The following IDO2 variants were observed in gnomAD, a reference collection of about 807,000 sequenced individuals.
IDO2 encodes the protein indoleamine 2,3-dioxygenase 2.
IDO2 carries 46 observed loss-of-function variants against 45.1 expected under a neutral mutation model. That is an observed-to-expected ratio of 1.02 (90% CI 0.80 to 1.30). The LOEUF (loss-of-function observed/expected upper bound fraction) is 1.30. IDO2 is among the 50% of genes most tolerant of loss of function. The probability of loss-of-function intolerance (pLI) is 0.00; values close to 1 mark genes in which losing one functional copy is unlikely to be tolerated. For synonymous variants in IDO2, 218 were observed against 184.9 expected, an observed-to-expected ratio of 1.18 and a Z score of -1.45; for missense variants, 544 against 491.8, an observed-to-expected ratio of 1.11 and a Z score of -1.00.
At chr8:39,975,849 AAAAT>A (rs754990410) in intron 3 of IDO2, among the ~76,000 whole-genome samples, 4 of 152,220 alleles carry the variant, frequency 2.6e-5, no homozygotes, top group Non-Finnish European at 4.4e-5. Context: ...AATAACTGTG[AAAAT>A]AAATAAACTG....
chr8:39,976,792 T>C (rs905210276), intron 3 of IDO2, among the ~76,000 whole-genome samples: 4 of 152,184 alleles, frequency 2.6e-5, no homozygotes, highest in African/African-American at 9.6e-5. Context: ...GAAGGTAGAG[T>C]ACCTTTCCAT....
Position 39,995,815 on chromosome 8 carries a change from G to C in IDO2, c.667+5977G>C, listed in dbSNP as rs181276964. Among the ~76,000 whole-genome samples, 394 of 151,680 alleles carry C rather than the reference G, an allele frequency of 2.6e-3. 2 individuals are homozygous for C. Among genetic ancestry groups the C allele is most frequent in the African/African-American group, 9.3e-3 (385 of 41,410 alleles). On this transcript the variant is annotated intron_variant, in intron 8 of 10. Transcript: ENST00000502986. ...AAAGGGACAGGGTGAGAAGTGACCAGAAGAGTGTGAGCCTTCTGTTATGCC... is the reference window on the plus strand; with the variant it reads ...AAAGGGACAGGGTGAGAAGTGACCACAAGAGTGTGAGCCTTCTGTTATGCC...
At chr8:39,984,825 C>G (rs1480191166) in intron 5 of IDO2, 1 of 369,624 alleles carries the variant, frequency 2.7e-6, no homozygotes, top group Admixed American at 3.8e-5. Context: ...TGAGGCAGAA[C>G]TTGATGTAAG....
At chr8:39,986,603 G>T (rs1051894158) in intron 6 of IDO2, 1 of 152,038 alleles carries the variant, frequency 6.6e-6, no homozygotes, top group Non-Finnish European at 1.5e-5. Flanking sequence ...CCATTTAAAT[G>T]ACAGCAGATC....
At position 39,999,798 on chromosome 8, in the gene IDO2, G is replaced by A. The variant is rs185128418; in HGVS notation, c.668-5529G>A. On this transcript the variant is annotated intron_variant, in intron 8 of 10. Transcript: ENST00000502986. ...AACTTTTTATTTTCTTCCTCAAGAGGATGAGAAGAAAGGTCAATTGTAAGC... is the reference window on the plus strand; with the variant it reads ...AACTTTTTATTTTCTTCCTCAAGAGAATGAGAAGAAAGGTCAATTGTAAGC... Among the ~76,000 whole-genome samples, 90 of 152,280 alleles carry A rather than the reference G, an allele frequency of 5.9e-4. 1 individual carries two copies. The highest frequency in any genetic ancestry group is 3.4e-3 in the Middle Eastern group (1 of 294).
rs118113686 is a variant in IDO2, at chr8:39,960,589, C to T, written c.100-3019C>T. ...ATTTTCTAATTCCTCAACACACTAA[C>T]GTTTGAACCCTGCTTCTATGACCCT... On this transcript the variant is annotated intron_variant, in intron 2 of 10. Coordinates refer to ENST00000502986, the Ensembl canonical transcript of IDO2. 5.1e-3 allele frequency among the ~76,000 whole-genome samples: 777 copies of T among 152,326 alleles called. 2 individuals carry two copies. The highest frequency in any genetic ancestry group is 8.8e-3 in the Non-Finnish European group (602 of 68,030).
intron 8 of IDO2, among the ~76,000 whole-genome samples, chr8:40,000,290 G>T (rs1802115133): frequency 6.6e-6 from 1 of 151,808 alleles, no homozygotes; most frequent in African/African-American, 2.4e-5. Context: ...CGTGCCTGTA[G>T]TCCTAGTTAC....
exon 3 of IDO2, chr8:39,963,637 G>T: frequency 2.5e-6 from 4 of 1,611,420 alleles, no homozygotes; most frequent in Non-Finnish European, 3.4e-6. Flanking sequence ...ATAGGCCTTG[G>T]ATGGAAATTG....
At chr8:39,963,522 G>A (rs1326075952) in intron 2 of IDO2, 86 bp from the exon 3 acceptor site, 3 of 746,236 alleles carry the variant, frequency 4.0e-6, no homozygotes, top group African/African-American at 1.8e-5. Flanking sequence ...GAATTCCCCT[G>A]AAGACTGAAA....
intron 9 of IDO2, among the ~76,000 whole-genome samples, chr8:40,007,276 G>C (rs537253022): frequency 2.0e-5 from 3 of 152,094 alleles, no homozygotes; most frequent in Admixed American, 1.3e-4. Flanking sequence ...TATTACATTG[G>C]TGCAAGGACA....
chr8:39,968,633 T>G (rs1023988080), intron 3 of IDO2, among the ~76,000 whole-genome samples: 2 of 152,050 alleles, frequency 1.3e-5, no homozygotes, highest in Non-Finnish European at 2.9e-5. Flanking sequence ...CACCGCATGT[T>G]CTTACTTATA....
intron 8 of IDO2, among the ~76,000 whole-genome samples, chr8:39,998,681 C>T (rs1802088635): frequency 6.9e-6 from 1 of 143,982 alleles, no homozygotes; most frequent in Admixed American, 7.1e-5. Context: ...CATTCTGTCA[C>T]CCAGGCTGGA....
At chr8:40,015,573 T>C (rs778081807) in exon 11 of IDO2, 15 of 1,613,106 alleles carry the variant, frequency 9.3e-6, no homozygotes, top group African/African-American at 8.0e-5. Context: ...GGATAAGACC[T>C]TGGAGTCAAT....
chr8:39,935,079 A>G, exon 1 of IDO2: 1 of 909,694 alleles, frequency 1.1e-6, no homozygotes, highest in Non-Finnish European at 1.9e-6. Flanking sequence ...CAAGGATTGG[A>G]TTAGATTTGA....
At chr8:39,948,332 C>G (rs942582759) in intron 1 of IDO2, among the ~76,000 whole-genome samples, 4 of 152,220 alleles carry the variant, frequency 2.6e-5, no homozygotes, top group African/African-American at 9.7e-5. Flanking sequence ...CCTCCCCTCC[C>G]TGCTCACCAC....
intron 2 of IDO2, among the ~76,000 whole-genome samples, chr8:39,958,448 G>T (rs113757259): frequency 3.3e-5 from 5 of 152,284 alleles, no homozygotes; most frequent in African/African-American, 9.6e-5. Flanking sequence ...CCAGGCTGGA[G>T]TGCACTGGCG....
chr8:39,956,251 G>A (rs7826274), intron 2 of IDO2, among the ~76,000 whole-genome samples: 6 of 151,812 alleles, frequency 4.0e-5, no homozygotes, highest in Admixed American at 2.6e-4. Flanking sequence ...TAGTAAAGAC[G>A]GGATTTCCCC....
intron 1 of IDO2, among the ~76,000 whole-genome samples, chr8:39,941,738 G>T (rs1409955502): frequency 1.3e-5 from 2 of 152,022 alleles, no homozygotes; most frequent in Admixed American, 6.6e-5. Context: ...AGAAAAAGAA[G>T]TCAGAAAAAT....
intron 8 of IDO2, among the ~76,000 whole-genome samples, chr8:40,002,156 A>G (rs574669079): frequency 1.5e-4 from 23 of 152,164 alleles, no homozygotes; most frequent in Non-Finnish European, 2.6e-4. Flanking sequence ...TAATTCACAT[A>G]TAATTACTAC....
Sources: allele counts gnomAD v4.1 joint callset (sites outside exome capture counted in the v4.1 genomes callset), GRCh38; gene constraint gnomAD v4.1.1; transcripts MANE v1.5; gene names NCBI Gene and HGNC (gene_info 2026-07-23, HGNC 2026-07-21).